The following SNRPD3 variants were observed in gnomAD, a reference collection of about 807,000 sequenced individuals.
The protein encoded by SNRPD3 is small nuclear ribonucleoprotein Sm D3.
For missense variants in SNRPD3, 73 were observed against 167.5 expected (o/e 0.44, Z 3.11); for synonymous variants, 66 against 58.4 (o/e 1.13, Z -0.59).
intron 2 of SNRPD3, 32 bp from the exon 3 acceptor site, chr22:24,567,952 C>T (rs2045211940): frequency 1.9e-6 from 3 of 1,556,644 alleles, no homozygotes; most frequent in Non-Finnish European, 2.6e-6. Context: ...TGCTGTTGAC[C>T]GTTAACTTAT....
rs62231180 is a variant in SNRPD3 at position 24,574,698 on chromosome 22, T to C, written c.*2721T>C. Among the ~76,000 whole-genome samples the C allele has an allele frequency of 7.6e-3, 1,154 of 152,286 alleles. 8 individuals carry two copies. The highest frequency in any genetic ancestry group is 0.018 in the South Asian group (88 of 4,832). ...CTAGAAATACTGGTGCACACCACCATGCCTAGCTAATTTTTGTATTTTTTG... is the reference window on the plus strand; with the variant it reads ...CTAGAAATACTGGTGCACACCACCACGCCTAGCTAATTTTTGTATTTTTTG... On this transcript the variant is annotated 3_prime_UTR_variant, in exon 4 of 4. Coordinates refer to ENST00000215829, the MANE Select transcript of SNRPD3 (RefSeq NM_004175.5).
chr22:24,563,201 C>CGTGTGTGT (rs1569025361), intron 2 of SNRPD3, among the ~76,000 whole-genome samples: 4 of 121,588 alleles, frequency 3.3e-5, no homozygotes, highest in African/African-American at 1.1e-4. Context: ...GACCCTGTCT[C>CGTGTGTGT]ATATATGTGT....
intron 3 of SNRPD3, among the ~76,000 whole-genome samples, chr22:24,571,541 C>T (rs1297346589): frequency 1.3e-5 from 2 of 152,062 alleles, no homozygotes; most frequent in Non-Finnish European, 2.9e-5. Flanking sequence ...GAGTTTAAGA[C>T]CAGCCTGGCC....
intron 2 of SNRPD3, among the ~76,000 whole-genome samples, chr22:24,560,090 ATT>A (rs71189257): frequency 1.3e-4 from 12 of 89,278 alleles, no homozygotes; most frequent in Non-Finnish European, 1.8e-4. Context: ...TTTATAAAGA[ATT>A]TTTTTTTTTT....
At chr22:24,562,805 G>A (rs968315870) in intron 2 of SNRPD3, among the ~76,000 whole-genome samples, 9 of 152,216 alleles carry the variant, frequency 5.9e-5, no homozygotes, top group Non-Finnish European at 1.2e-4. Flanking sequence ...AAGCCAAGCA[G>A]TCAGTATCCA....
Position 24,573,242 on chromosome 22 carries a change from C to G in SNRPD3, c.*1265C>G, listed in dbSNP as rs1023428851. 2.5e-4 allele frequency among the ~76,000 whole-genome samples: 38 copies of G among 152,022 alleles called. No homozygotes were observed. The highest frequency in any genetic ancestry group is 8.9e-4 in the African/African-American group (37 of 41,384). ...GTAGTAGTAAAGAGTATAAGATACA[C>G]AGGGTGAATAATTGTGACAAAAACA... is the stretch of plus-strand genomic sequence containing the variant. On this transcript the variant is annotated 3_prime_UTR_variant, in exon 4 of 4. Coordinates refer to ENST00000215829, the MANE Select transcript of SNRPD3 (RefSeq NM_004175.5).
At chr22:24,567,154 C>G (rs558958946) in intron 2 of SNRPD3, among the ~76,000 whole-genome samples, 1 of 152,322 alleles carries the variant, frequency 6.6e-6, no homozygotes, top group Non-Finnish European at 1.5e-5. Flanking sequence ...AGGGTTCTGT[C>G]TCACCTTCTA....
intron 2 of SNRPD3, among the ~76,000 whole-genome samples, chr22:24,562,703 G>A (rs1281973503): frequency 6.6e-6 from 1 of 152,230 alleles, no homozygotes; most frequent in East Asian, 1.9e-4. Flanking sequence ...GACAGAGCAA[G>A]ACCCTATCTC....
intron 2 of SNRPD3, among the ~76,000 whole-genome samples, chr22:24,558,829 G>A (rs1303224664): frequency 6.6e-6 from 1 of 152,182 alleles, no homozygotes; most frequent in Admixed American, 6.5e-5. Context: ...TGGCACCCCC[G>A]GTGTGTTCAG....
chr22:24,555,699 C>T (rs1243212695), upstream of SNRPD3: 3 of 1,550,644 alleles, frequency 1.9e-6, no homozygotes, highest in South Asian at 2.4e-5. Flanking sequence ...GGTCTGAGGG[C>T]CCAAGCCCCG....
chr22:24,559,179 T>G (rs1040553501), intron 2 of SNRPD3, among the ~76,000 whole-genome samples: 1 of 152,076 alleles, frequency 6.6e-6, no homozygotes, highest in African/African-American at 2.4e-5. Flanking sequence ...CAGGGTTCAT[T>G]TATTTGTGAT....
At chr22:24,556,705 A>G (rs1392202086) in intron 1 of SNRPD3, among the ~76,000 whole-genome samples, 2 of 152,250 alleles carry the variant, frequency 1.3e-5, no homozygotes, top group African/African-American at 2.4e-5. Flanking sequence ...TTCTTTACAT[A>G]TAATTCTGCA....
In SNRPD3 at chr22:24,571,957, A is replaced by G; in HGVS notation, c.361A>G (p.Ile121Val). The G allele has an allele frequency of 6.2e-7, 1 of 1,614,156 alleles. No individual in the cohort carries two copies. Among genetic ancestry groups the G allele is most frequent in the Non-Finnish European group, 8.5e-7 (1 of 1,179,990 alleles). Reference protein sequence around the residue: ...GRGRGMGRGNIFQKRR With the variant: ...GRGRGMGRGNVFQKRR Reference sequence around the variant, plus strand: ...AGGACGTGGAATGGGACGTGGAAACATCTTTCAAAAGCGAAGATAATTTTC... The same window carrying G: ...AGGACGTGGAATGGGACGTGGAAACGTCTTTCAAAAGCGAAGATAATTTTC... The change falls in exon 4 of 4, where the codon ATC becomes GTC. Residue 121 changes from isoleucine (I) to valine (V), a missense_variant. Ile to Val is a conservative substitution (Grantham distance 29). Coordinates refer to ENST00000215829, the MANE Select transcript of SNRPD3 (RefSeq NM_004175.5).
intron 3 of SNRPD3, among the ~76,000 whole-genome samples, chr22:24,569,074 G>A (rs1045846094): frequency 4.6e-5 from 7 of 152,128 alleles, no homozygotes; most frequent in African/African-American, 7.2e-5. Context: ...CTAGTTTGCC[G>A]AGCAGACACA....
intron 2 of SNRPD3, among the ~76,000 whole-genome samples, chr22:24,564,431 T>G (rs1236542737): frequency 6.6e-6 from 1 of 152,154 alleles, no homozygotes; most frequent in Non-Finnish European, 1.5e-5. Context: ...CTGCCTGGAG[T>G]TGATTAGGAT....
intron 2 of SNRPD3, among the ~76,000 whole-genome samples, chr22:24,567,779 G>A (rs1049462538): frequency 1.3e-5 from 2 of 151,634 alleles, no homozygotes; most frequent in African/African-American, 2.4e-5. Flanking sequence ...TCATACCCAC[G>A]CTGAAGGTGT....
chr22:24,569,249 C>T lies in SNRPD3; in HGVS notation c.319+1073C>T, dbSNP rs538194825. ...ATTCCAAAAGTGGGACTGTCCTTTT[C>T]GCAGTCCCCTAGTCTGGTCTTGCTT... On this transcript the variant is annotated intron_variant, in intron 3 of 3. Transcript: ENST00000215829. 5.3e-5 allele frequency among the ~76,000 whole-genome samples: 8 copies of T among 152,244 alleles called. No individual in the cohort carries two copies. In the South Asian group the frequency reaches 8.3e-4, roughly 16 times the overall value.
chr22:24,555,989 T>C, upstream of SNRPD3: 1 of 702,948 alleles, frequency 1.4e-6, no homozygotes, highest in Non-Finnish European at 2.3e-6. Context: ...TTCTGGGTGT[T>C]AGGCCCGCCA....
intron 2 of SNRPD3, among the ~76,000 whole-genome samples, chr22:24,567,138 A>G (rs1051152836): frequency 6.6e-6 from 1 of 152,030 alleles, no homozygotes; most frequent in Non-Finnish European, 1.5e-5. Context: ...TAGTCACTCA[A>G]CCTAGAGGGT....
Sources: gnomAD v4.1 joint callset for allele counts (sites outside exome capture counted in the v4.1 genomes callset) on GRCh38, gnomAD v4.1.1 for gene constraint, MANE v1.5 for transcripts, NCBI Gene and HGNC (gene_info 2026-07-23, HGNC 2026-07-21) for gene names.